The following MMP26 variants were observed in gnomAD, a reference collection of about 807,000 sequenced individuals.
MMP26 encodes matrix metallopeptidase 26.
Under a neutral mutation model 31.0 loss-of-function variants are expected in MMP26, and 33 were observed. That is an observed-to-expected ratio of 1.06 (90% CI 0.81 to 1.42). MMP26 has a LOEUF of 1.42. Ranked by LOEUF, MMP26 falls within the 40% of genes most tolerant of loss-of-function variation. MMP26 has a pLI of 0.00. For missense variants in MMP26, 347 were observed against 316.1 expected, an observed-to-expected ratio of 1.10 and a Z score of -0.74; for synonymous variants, 122 against 114.9, an observed-to-expected ratio of 1.06 and a Z score of -0.40.
intron 1 of MMP26, among the ~76,000 whole-genome samples, chr11:4,730,880 A>C (rs1461787747): frequency 6.6e-6 from 1 of 152,214 alleles, no homozygotes; most frequent in Non-Finnish European, 1.5e-5. Context: ...ACAGCAAACG[A>C]AAAATATTGC....
At chr11:4,922,106 A>G (rs1851194290) in intron 2 of MMP26, among the ~76,000 whole-genome samples, 1 of 152,184 alleles carries the variant, frequency 6.6e-6, no homozygotes, top group South Asian at 2.1e-4. Context: ...GCAGTATTTG[A>G]CTTTCTGTTT....
intron 2 of MMP26, chr11:4,804,623 T>A (rs746271249): frequency 2.9e-6 from 2 of 683,626 alleles, no homozygotes; most frequent in Non-Finnish European, 5.6e-6. Context: ...AACATACTAG[T>A]TGCATGTGTA....
intron 2 of MMP26, chr11:4,942,936 T>C (rs1846236020): frequency 1.3e-5 from 2 of 152,174 alleles, no homozygotes; most frequent in Admixed American, 1.3e-4. Flanking sequence ...GCATTGAAAA[T>C]TCATTGGCCC....
At chr11:4,821,198 G>A (rs1370084325) in intron 2 of MMP26, 2 of 558,880 alleles carry the variant, frequency 3.6e-6, no homozygotes, top group South Asian at 2.4e-5. Context: ...ATTTGATGTG[G>A]CACAGTTCAG....
intron 2 of MMP26, among the ~76,000 whole-genome samples, chr11:4,954,247 G>A (rs1489960762): frequency 2.4e-5 from 3 of 123,286 alleles, no homozygotes; most frequent in Non-Finnish European, 3.6e-5. Context: ...AAATGATGGG[G>A]CGGGGATTGG....
rs573272996 is a variant in MMP26, at chr11:4,981,769, A to C, written c.-144-6299A>C. On this transcript the variant is annotated intron_variant, in intron 2 of 7. Coordinates refer to ENST00000380390, the MANE Select transcript of MMP26 (RefSeq NM_021801.5). The stretch of plus-strand genomic sequence containing the variant: ...ACAACCACATTGTATAACTGTAAAA[A>C]ATTTTTTCTTTATATCCTTATTCTA... Among the ~76,000 whole-genome samples the C allele has an allele frequency of 1.3e-4, 20 of 151,952 alleles. No individual in the cohort carries two copies. In the East Asian group the frequency reaches 3.7e-3, roughly 28 times the overall value.
At chr11:4,945,357 G>C (rs539430251) in intron 2 of MMP26, 1 of 152,296 alleles carries the variant, frequency 6.6e-6, no homozygotes, top group African/African-American at 2.4e-5. Context: ...AAACTGTTCA[G>C]TAGGTTGATG....
intron 2 of MMP26, among the ~76,000 whole-genome samples, chr11:4,807,801 T>G (rs957231748): frequency 6.6e-6 from 1 of 152,124 alleles, no homozygotes; most frequent in African/African-American, 2.4e-5. Context: ...GTTTATTTGC[T>G]TGTTCTTTTT....
intron 2 of MMP26, chr11:4,914,789 A>G (rs762223257): frequency 1.2e-6 from 2 of 1,614,024 alleles, no homozygotes; most frequent in Admixed American, 3.3e-5. Flanking sequence ...AATGGGATTC[A>G]TCACAGGAGG....
intron 2 of MMP26, among the ~76,000 whole-genome samples, chr11:4,904,757 G>GA (rs1207270199): frequency 3.3e-5 from 5 of 151,526 alleles, no homozygotes; most frequent in African/African-American, 1.2e-4. Context: ...TGTTGCCAGA[G>GA]AAAAAAAGGG....
intron 2 of MMP26, chr11:4,769,749 G>T (rs1848689167): frequency 2.5e-6 from 4 of 1,613,948 alleles, no homozygotes; most frequent in Non-Finnish European, 3.4e-6. Context: ...GGTTCATGGA[G>T]ACTCTGCTGG....
intron 2 of MMP26, among the ~76,000 whole-genome samples, chr11:4,971,780 C>T (rs1001111874): frequency 6.6e-6 from 1 of 152,102 alleles, no homozygotes; most frequent in African/African-American, 2.4e-5. Flanking sequence ...GCGAGATCCT[C>T]AGAAAGCCTC....
intron 2 of MMP26, among the ~76,000 whole-genome samples, chr11:4,815,504 G>C (rs1314300094): frequency 6.6e-6 from 1 of 151,896 alleles, no homozygotes; most frequent in African/African-American, 2.4e-5. Context: ...TTTTCTTTTG[G>C]CTTAGTGATT....
At chr11:4,823,582 A>G (rs1382817290) in intron 2 of MMP26, among the ~76,000 whole-genome samples, 2 of 152,100 alleles carry the variant, frequency 1.3e-5, no homozygotes, top group African/African-American at 2.4e-5. Flanking sequence ...TTTTCCAGAA[A>G]CTTAACGAAA....
intron 1 of MMP26, among the ~76,000 whole-genome samples, chr11:4,724,838 G>C (rs1313077241): frequency 1.3e-5 from 2 of 152,168 alleles, no homozygotes; most frequent in African/African-American, 4.8e-5. Flanking sequence ...AAACAGGTCA[G>C]GTGACAATGA....
At chr11:4,915,678 A>AC in intron 2 of MMP26, 2 of 1,592,636 alleles carry the variant, frequency 1.3e-6, no homozygotes, top group Non-Finnish European at 8.6e-7. Flanking sequence ...TGAGGAGACA[A>AC]GGGGGAAGGT....
intron 2 of MMP26, among the ~76,000 whole-genome samples, chr11:4,921,815 TA>T (rs1249459577): frequency 6.6e-6 from 1 of 152,220 alleles, no homozygotes; most frequent in African/African-American, 2.4e-5. Context: ...AGATCTTTAT[TA>T]ATTTTTAAAA....
At chr11:4,967,361 C>T (rs1335103384) in intron 2 of MMP26, among the ~76,000 whole-genome samples, 1 of 152,182 alleles carries the variant, frequency 6.6e-6, no homozygotes, top group African/African-American at 2.4e-5. Context: ...TCGCAATTAA[C>T]TGCAAAGGCC....
intron 2 of MMP26, among the ~76,000 whole-genome samples, chr11:4,811,389 T>C (rs1849348139): frequency 6.6e-6 from 1 of 152,180 alleles, no homozygotes; most frequent in Non-Finnish European, 1.5e-5. Context: ...CAGTGTCTGT[T>C]GTTCCCTTCT....
Sources: gnomAD v4.1 joint callset for allele counts (sites outside exome capture counted in the v4.1 genomes callset) on GRCh38, gnomAD v4.1.1 for gene constraint, MANE v1.5 for transcripts, NCBI Gene and HGNC (gene_info 2026-07-23, HGNC 2026-07-21) for gene names.